The following GATAD2A variants were observed in gnomAD, a reference collection of about 807,000 sequenced individuals.
The protein encoded by GATAD2A is transcriptional repressor p66-alpha.
Under a neutral mutation model 68.5 loss-of-function variants are expected in GATAD2A, and 12 were observed. The ratio of observed to expected loss-of-function variants is 0.18; its 90% CI spans 0.11 to 0.28. GATAD2A has a LOEUF of 0.28. GATAD2A is among the 10% of genes least tolerant of loss of function. The pLI is 1.00. For synonymous variants in GATAD2A, 410 were observed against 375.3 expected, an observed-to-expected ratio of 1.09 and a Z score of -1.07; for missense variants, 755 against 868.5, an observed-to-expected ratio of 0.87 and a Z score of 1.64.
chr19:19,467,354 G>T (rs1886511027), intron 2 of GATAD2A, among the ~76,000 whole-genome samples: 1 of 152,036 alleles, frequency 6.6e-6, no homozygotes, highest in South Asian at 2.1e-4. Flanking sequence ...TCAGCCTGGG[G>T]AAAGAGTGAG....
At chr19:19,453,369 A>G (rs1160811438) in intron 1 of GATAD2A, among the ~76,000 whole-genome samples, 1 of 152,238 alleles carries the variant, frequency 6.6e-6, no homozygotes, top group Non-Finnish European at 1.5e-5. Context: ...TTGGGACAGT[A>G]TAAAATTGAC....
At chr19:19,456,170 AAGAG>A (rs981592077) in intron 1 of GATAD2A, among the ~76,000 whole-genome samples, 10 of 130,814 alleles carry the variant, frequency 7.6e-5, no homozygotes, top group African/African-American at 1.3e-4. Flanking sequence ...AAAAAAAAAA[AAGAG>A]AGAAAAAGTT....
intron 5 of GATAD2A, 38 bp from the exon 6 acceptor site, chr19:19,495,716 C>T (rs2060106051): frequency 2.5e-6 from 4 of 1,573,238 alleles, no homozygotes; most frequent in Non-Finnish European, 3.5e-6. Flanking sequence ...GTGGGGGGGT[C>T]CGGTCCATGT....
At chr19:19,395,938 C>A (rs554858941) in intron 1 of GATAD2A, among the ~76,000 whole-genome samples, 1 of 152,274 alleles carries the variant, frequency 6.6e-6, no homozygotes, top group East Asian at 1.9e-4. Flanking sequence ...AAATTAAACT[C>A]AAATCCTCGT....
chr19:19,430,977 GTGTGTGTGT>G (rs1383833552), intron 1 of GATAD2A, among the ~76,000 whole-genome samples: 15 of 45,720 alleles, frequency 3.3e-4, no homozygotes, highest in African/African-American at 1.9e-3. Flanking sequence ...TATGGTAGGG[GTGTGTGTGT>G]GTGTGTGTGT....
At chr19:19,401,612 G>C (rs1053121715), upstream of GATAD2A, among the ~76,000 whole-genome samples, 8 of 151,882 alleles carry the variant, frequency 5.3e-5, no homozygotes, top group Non-Finnish European at 8.8e-5. Flanking sequence ...GTGCCTGTAG[G>C]CTTCTTGGGC....
chr19:19,464,249 C>G (rs887533481), intron 1 of GATAD2A, among the ~76,000 whole-genome samples: 2 of 152,228 alleles, frequency 1.3e-5, no homozygotes, highest in African/African-American at 4.8e-5. Context: ...CACCAACTGT[C>G]CCATGGAAAA....
chr19:19,389,244 G>A (rs755444018), intron 1 of GATAD2A, among the ~76,000 whole-genome samples: 6 of 152,142 alleles, frequency 3.9e-5, no homozygotes, highest in Admixed American at 2.0e-4. Context: ...TAACCACTTC[G>A]TGTCCACGCA....
chr19:19,386,752 C>T (rs918920044), intron 1 of GATAD2A, among the ~76,000 whole-genome samples: 1 of 152,294 alleles, frequency 6.6e-6, no homozygotes, highest in Non-Finnish European at 1.5e-5. Context: ...GCTCCCCCGC[C>T]TCTCTGAGGA....
chr19:19,444,929 G>A (rs1041535467), intron 1 of GATAD2A, among the ~76,000 whole-genome samples: 1 of 150,774 alleles, frequency 6.6e-6, no homozygotes, highest in Non-Finnish European at 1.5e-5. Context: ...ATTTTAGGCA[G>A]TGTAGGGCCT....
intron 1 of GATAD2A, among the ~76,000 whole-genome samples, chr19:19,460,232 A>T (rs957696461): frequency 1.3e-5 from 2 of 152,202 alleles, no homozygotes; most frequent in African/African-American, 2.4e-5. Flanking sequence ...TCCTCGGGCT[A>T]TGCTGCCGGG....
chr19:19,399,151 G>A (rs2049507073), intron 1 of GATAD2A, among the ~76,000 whole-genome samples: 1 of 152,146 alleles, frequency 6.6e-6, no homozygotes, highest in Admixed American at 6.5e-5. Context: ...TTGAACCTGA[G>A]AGGTGGAGGT....
rs1357183296 is a variant in GATAD2A at position 19,507,993 on chromosome 19, G to A, written c.*2519G>A. 1 of 152,148 alleles carries A rather than the reference G, an allele frequency of 6.6e-6. No individual in the cohort carries two copies. Among genetic ancestry groups the A allele is most frequent in the African/African-American group, 2.4e-5 (1 of 41,424 alleles). 9.4% of individuals were successfully genotyped at this position (152,148 alleles called of 1,614,324 possible). On this transcript the variant is annotated 3_prime_UTR_variant, in exon 12 of 12. Transcript: ENST00000683918. ...CAGGATAGCTATTGATTAATGTTAAGGGTGTTCTACCCACAGCAAAGCACA... is the reference window on the plus strand; with the variant it reads ...CAGGATAGCTATTGATTAATGTTAAAGGTGTTCTACCCACAGCAAAGCACA...
At chr19:19,492,024 T>C (rs1338673991) in intron 2 of GATAD2A, among the ~76,000 whole-genome samples, 2 of 152,204 alleles carry the variant, frequency 1.3e-5, no homozygotes, top group Non-Finnish European at 2.9e-5. Context: ...CACCATGTCA[T>C]GCTCAGGGGC....
chr19:19,498,120 G>A (rs764064018), intron 7 of GATAD2A, among the ~76,000 whole-genome samples: 1 of 152,252 alleles, frequency 6.6e-6, no homozygotes, highest in Non-Finnish European at 1.5e-5. Context: ...CCAGAACCTG[G>A]TGACAGCCAC....
upstream of GATAD2A, among the ~76,000 whole-genome samples, chr19:19,404,552 C>T (rs898102727): frequency 3.9e-5 from 6 of 151,952 alleles, no homozygotes; most frequent in Admixed American, 2.0e-4. Context: ...TGTGATGGAA[C>T]GCGCCTGTAA....
At chr19:19,454,612 A>AG (rs1600170241) in intron 1 of GATAD2A, among the ~76,000 whole-genome samples, 1 of 150,870 alleles carries the variant, frequency 6.6e-6, no homozygotes, top group East Asian at 2.0e-4. Context: ...AAAAAAAAAA[A>AG]TTTATTGGAG....
chr19:19,456,818 C>T (rs2056981105), intron 1 of GATAD2A, among the ~76,000 whole-genome samples: 1 of 152,190 alleles, frequency 6.6e-6, no homozygotes, highest in Non-Finnish European at 1.5e-5. Flanking sequence ...TCAGGTCTGA[C>T]TCTTTGAGTG....
chr19:19,394,485 GC>G (rs1315682227), intron 1 of GATAD2A, among the ~76,000 whole-genome samples: 2 of 134,498 alleles, frequency 1.5e-5, no homozygotes, highest in Non-Finnish European at 3.1e-5. Flanking sequence ...TCGCTGTGTT[GC>G]CCAGGTTGGA....
Sources: allele counts gnomAD v4.1 joint callset (sites outside exome capture counted in the v4.1 genomes callset), GRCh38; gene constraint gnomAD v4.1.1; transcripts MANE v1.5; gene names NCBI Gene and HGNC (gene_info 2026-07-23, HGNC 2026-07-21).